RPN1: variants seen among roughly 807,000 people sequenced by gnomAD.
RPN1 encodes the protein dolichyl-diphosphooligosaccharide--protein glycosyltransferase subunit 1.
Under a neutral mutation model 55.5 loss-of-function variants are expected in RPN1, and 12 were observed. The ratio of observed to expected loss-of-function variants is 0.22; its 90% CI spans 0.14 to 0.35. The LOEUF (loss-of-function observed/expected upper bound fraction) is 0.35, where lower values mean the gene tolerates loss of function less well. Among genes scored for constraint, RPN1 ranks in the 10% least tolerant of loss-of-function variants. The pLI is 1.00. For missense variants in RPN1, 679 were observed against 761.3 expected, an observed-to-expected ratio of 0.89 and a Z score of 1.27; for synonymous variants, 317 against 305.9, an observed-to-expected ratio of 1.04 and a Z score of -0.38.
chr3:128,632,626 G>C (rs904674088), intron 3 of RPN1, among the ~76,000 whole-genome samples: 1 of 151,956 alleles, frequency 6.6e-6, no homozygotes, highest in Non-Finnish European at 1.5e-5. Flanking sequence ...ACAGAGTCTT[G>C]CTCTGTCACC....
chr3:128,647,533 T>C (rs2069777535), intron 1 of RPN1, among the ~76,000 whole-genome samples: 1 of 151,874 alleles, frequency 6.6e-6, no homozygotes, highest in African/African-American at 2.4e-5. Context: ...AAACAAAAAA[T>C]TGCTCTTAAT....
At position 128,650,708 on chromosome 3, in the gene RPN1, C is replaced by A; in HGVS notation, c.93G>T (p.Leu31=). 1 of 1,567,618 alleles carries A rather than the reference C, an allele frequency of 6.4e-7. No homozygotes were observed. The highest frequency in any genetic ancestry group is 8.6e-7 in the Non-Finnish European group (1 of 1,156,164). Residue 31 remains leucine, a synonymous_variant, in exon 1 of 10, where the codon CTG becomes CTT. Transcript: ENST00000296255. ...CTGTGCGCTTCACGTCCTCATTGAT[C>A]AGCGGCGGTGCCTCGGAGGAGGCGC... is the stretch of plus-strand genomic sequence containing the variant. ...PGSASSEAPP[L]INEDVKRTVD... is the part of the protein sequence containing the mutation.
At position 128,629,937 on chromosome 3, in the gene RPN1, T is replaced by C; in HGVS notation, c.1036+14A>G. ...AAGAAAAGGTTAGTTTCTCCCTTAC[T>C]ATTGAAGACTGACCCAAATTATAGA... On this transcript the variant is annotated intron_variant, in intron 5 of 9. Transcript: ENST00000296255. The C allele has an allele frequency of 1.4e-6, 2 of 1,468,026 alleles. No homozygotes were observed. Among genetic ancestry groups the C allele is most frequent in the Non-Finnish European group, 1.9e-6 (2 of 1,063,212 alleles). The allele number at this position is 1,468,026 out of a possible 1,614,324, so 90.9% of individuals were successfully genotyped here.
At chr3:128,643,668 T>C (rs1391640060) in intron 2 of RPN1, among the ~76,000 whole-genome samples, 1 of 151,880 alleles carries the variant, frequency 6.6e-6, no homozygotes, top group Non-Finnish European at 1.5e-5. Context: ...TGCTGGTGCA[T>C]GCCTGTAATC....
intron 2 of RPN1, among the ~76,000 whole-genome samples, chr3:128,641,484 T>C (rs2069724509): frequency 6.6e-6 from 1 of 152,150 alleles, no homozygotes; most frequent in Admixed American, 6.6e-5. Context: ...ACCCTCCGTA[T>C]CTTTACAGAT....
chr3:128,631,834 C>T, intron 4 of RPN1, 114 bp downstream of exon 4: 1 of 1,078,872 alleles, frequency 9.3e-7, no homozygotes, highest in Non-Finnish European at 1.4e-6. Context: ...ACAAGATGAA[C>T]ATCAGTCAAC....
At chr3:128,631,109 T>C (rs910437247) in intron 4 of RPN1, among the ~76,000 whole-genome samples, 32 of 131,828 alleles carry the variant, frequency 2.4e-4, no homozygotes, top group Non-Finnish European at 4.3e-4. Flanking sequence ...CGAGACTCTG[T>C]CTCCAAAAAA....
chr3:128,623,718 T>C (rs888944937), intron 8 of RPN1, among the ~76,000 whole-genome samples: 1 of 152,056 alleles, frequency 6.6e-6, no homozygotes, highest in Admixed American at 6.6e-5. Flanking sequence ...ACAGTACTAA[T>C]TAACTGGCCA....
rs2107711936 is a variant in RPN1 at position 128,619,999 on chromosome 3, T to C, written c.*412A>G. 9.2e-6 allele frequency: 2 copies of C among 217,826 alleles called. No homozygotes were observed. Among genetic ancestry groups the C allele is most frequent in the South Asian group, 1.9e-4 (1 of 5,318 alleles). 13.5% of individuals were successfully genotyped at this position (217,826 alleles called of 1,614,324 possible). A position where few individuals can be genotyped will look rare whatever the true frequency, so the allele number is the denominator to read the frequency against. On this transcript the variant is annotated 3_prime_UTR_variant, in exon 10 of 10. Coordinates refer to ENST00000296255, the MANE Select transcript of RPN1 (RefSeq NM_002950.4). ...TTCACAGTCCCTGCTTTATTTCCATTTGTTCACACACGCTTTAAAAAAAAA... is the reference window on the plus strand; with the variant it reads ...TTCACAGTCCCTGCTTTATTTCCATCTGTTCACACACGCTTTAAAAAAAAA...
chr3:128,630,174 C>T, intron 4 of RPN1, 31 bp from the exon 5 acceptor site: 1 of 1,493,644 alleles, frequency 6.7e-7, no homozygotes, highest in Non-Finnish European at 9.2e-7. Context: ...CCTTCTAAAA[C>T]TCCAGGAACC....
chr3:128,631,983 G>A lies in RPN1; in HGVS notation c.808C>T (p.Pro270Ser), dbSNP rs1357967532. 1 of 1,614,028 alleles carries A rather than the reference G, an allele frequency of 6.2e-7. No individual in the cohort carries two copies. Among genetic ancestry groups the A allele is most frequent in the Non-Finnish European group, 8.5e-7 (1 of 1,180,048 alleles). ...CGGATGGAGGATATTCCACTATCTGGCTGTCTCTGGTAATCATAGCGTGAG... is the reference window on the plus strand; with the variant it reads ...CGGATGGAGGATATTCCACTATCTGACTGTCTCTGGTAATCATAGCGTGAG... ...PFSRYDYQRQ[P>S]DSGISSIRSF... Residue 270 changes from proline (P) to serine (S), a missense_variant, in exon 4 of 10, where the codon CCA becomes TCA. Pro to Ser is a moderately conservative substitution (Grantham distance 74). Around this residue, in one of 3 missense-constraint regions of RPN1, gnomAD observed 352 missense variants for 352.8 expected, o/e 1.00. Coordinates refer to ENST00000296255, the MANE Select transcript of RPN1 (RefSeq NM_002950.4).
intron 8 of RPN1, among the ~76,000 whole-genome samples, chr3:128,624,005 GCA>G (rs74281186): frequency 3.2e-4 from 47 of 147,806 alleles, no homozygotes; most frequent in South Asian, 1.5e-3. Context: ...ACACACACAC[GCA>G]CACACACACA....
chr3:128,636,525 A>C lies in RPN1; in HGVS notation c.633+1274T>G, dbSNP rs17321817. On this transcript the variant is annotated intron_variant, in intron 3 of 9. Transcript: ENST00000296255. ...AAACAATTATTTCAAGTAGCATTAGAACAAAGTATTTTGATTGCACATCCT... is the reference window on the plus strand; with the variant it reads ...AAACAATTATTTCAAGTAGCATTAGCACAAAGTATTTTGATTGCACATCCT... Among the ~76,000 whole-genome samples, 1,491 of 152,268 alleles carry C rather than the reference A, an allele frequency of 9.8e-3. 8 individuals carry two copies. Among genetic ancestry groups the C allele is most frequent in the Non-Finnish European group, 0.017 (1,168 of 68,016 alleles).
intron 1 of RPN1, among the ~76,000 whole-genome samples, chr3:128,645,551 G>T (rs536398915): frequency 3.3e-5 from 5 of 152,244 alleles, no homozygotes; most frequent in Admixed American, 3.3e-4. Context: ...GGGTGTGGTA[G>T]CTCACACCTG....
intron 3 of RPN1, among the ~76,000 whole-genome samples, chr3:128,632,462 G>C (rs575086834): frequency 5.9e-5 from 9 of 152,222 alleles, no homozygotes; most frequent in African/African-American, 2.2e-4. Flanking sequence ...TCATTCTCAA[G>C]ACAATATGAT....
In RPN1 at chr3:128,622,421, A is replaced by G. The variant is rs2069567118; in HGVS notation, c.1396-12T>C. On this transcript the variant is annotated splice_polypyrimidine_tract_variant and intron_variant, in intron 8 of 9. Transcript: ENST00000296255. ...TCTGCGGCTGGATCCTGAAGGAAGG[A>G]GAGGCACCATGTGTGACAACATCCA... is the stretch of plus-strand genomic sequence containing the variant. The G allele has an allele frequency of 1.2e-6, 2 of 1,613,868 alleles. No homozygotes were observed. The highest frequency in any genetic ancestry group is 3.3e-5 in the Admixed American group (2 of 60,022).
At position 128,625,993 on chromosome 3, in the gene RPN1, G is replaced by A. The variant is rs768988335; in HGVS notation, c.1156C>T (p.Pro386Ser). The A allele has an allele frequency of 1.2e-6, 2 of 1,605,678 alleles. No individual in the cohort carries two copies. Among genetic ancestry groups the A allele is most frequent in the South Asian group, 2.2e-5 (2 of 89,708 alleles). ...TCTGGGGCACGGCTGATTTCATAGGGACTATCAATTTCAATGTTCCTGGAA... is the reference window on the plus strand; with the variant it reads ...TCTGGGGCACGGCTGATTTCATAGGAACTATCAATTTCAATGTTCCTGGAA... ...EGAKNIEIDSPYEISRAPDEL... is the reference protein window; with the variant it reads ...EGAKNIEIDSSYEISRAPDEL... Residue 386 changes from proline (P) to serine (S), a missense_variant, in exon 7 of 10, where the codon CCC (proline) becomes TCC (serine). By Grantham distance (74) the Pro-to-Ser change is moderately conservative. Around this residue, in one of 3 missense-constraint regions of RPN1, gnomAD observed 306 missense variants for 360.0 expected, o/e 0.85. Coordinates refer to ENST00000296255, the MANE Select transcript of RPN1 (RefSeq NM_002950.4).
intron 5 of RPN1, among the ~76,000 whole-genome samples, chr3:128,627,964 T>C (rs947276216): frequency 5.9e-5 from 9 of 152,206 alleles, no homozygotes; most frequent in South Asian, 2.1e-4. Context: ...AAACAATAAT[T>C]AGAAAAATTC....
At chr3:128,635,492 G>T (rs555595582) in intron 3 of RPN1, among the ~76,000 whole-genome samples, 1 of 151,252 alleles carries the variant, frequency 6.6e-6, no homozygotes, top group East Asian at 1.9e-4. Flanking sequence ...GTAGAGATGG[G>T]GTTTCACCAC....
Sources: gnomAD v4.1 joint callset for allele counts (sites outside exome capture counted in the v4.1 genomes callset) on GRCh38, gnomAD v4.1.1 for gene constraint, gnomAD v4.1.1 regional missense constraint, MANE v1.5 for transcripts, NCBI Gene and HGNC (gene_info 2026-07-23, HGNC 2026-07-21) for gene names.